ANK3: variants seen among roughly 807,000 people sequenced by gnomAD.
The protein encoded by ANK3 is ankyrin 3.
In ANK3, 57 loss-of-function variants were observed where a neutral mutation model predicts 370.9. The observed-to-expected ratio is 0.15, with a 90% confidence interval of 0.12 to 0.19. ANK3 has a LOEUF of 0.19. Ranked by LOEUF, ANK3 falls within the 10% of genes least tolerant of loss-of-function variation. The pLI is 1.00. For missense variants in ANK3, 4,439 were observed against 5,302.1 expected, an observed-to-expected ratio of 0.84 and a Z score of 5.06; for synonymous variants, 1,929 against 1,946.3, an observed-to-expected ratio of 0.99 and a Z score of 0.23.
chr10:60,123,081 G>A (rs73261140), intron 25 of ANK3, among the ~76,000 whole-genome samples: 6,187 of 152,142 alleles, frequency 0.041, 394 homozygotes, highest in African/African-American at 0.14. Context: ...TGACAGATGA[G>A]GAAAATGAGG....
Position 60,689,754 on chromosome 10 carries a change from C to CAA in ANK3, c.57+43507_57+43508dup, listed in dbSNP as rs10676088. Among the ~76,000 whole-genome samples the CAA allele has an allele frequency of 4.5e-3, 492 of 108,248 alleles. 4 individuals are homozygous for CAA. The highest frequency in any genetic ancestry group is 0.015 in the Middle Eastern group (3 of 200). The allele number at this position is 108,248 out of a possible 152,430, so 71.0% of individuals were successfully genotyped here. A position where few individuals can be genotyped will look rare whatever the true frequency, so the allele number is the denominator to read the frequency against. On this transcript the variant is annotated intron_variant, in intron 1 of 43. Coordinates refer to the ANK3 transcript ENST00000373827. ...TGGGTGATGGAGCAAGACTTCATCT[C>CAA]AAAAAAAAAAAAAAAGAATGAACTA...
chr10:60,409,699 T>G (rs952313868), intron 2 of ANK3, among the ~76,000 whole-genome samples: 2 of 152,118 alleles, frequency 1.3e-5, no homozygotes, highest in Non-Finnish European at 1.5e-5. Context: ...ACCTCATCCA[T>G]GCCCGCAGCT....
intron 43 of ANK3, among the ~76,000 whole-genome samples, chr10:60,030,343 T>C (rs1055399882): frequency 2.0e-5 from 3 of 151,944 alleles, no homozygotes; most frequent in East Asian, 1.9e-4. Context: ...GGGGTTTCAC[T>C]ATGTTAGTCA....
At chr10:60,717,281 T>G (rs912203516) in intron 1 of ANK3, among the ~76,000 whole-genome samples, 11 of 146,744 alleles carry the variant, frequency 7.5e-5, no homozygotes, top group African/African-American at 2.0e-4. Context: ...AAAGGGTGCA[T>G]AAAACTGTCA....
intron 2 of ANK3, among the ~76,000 whole-genome samples, chr10:60,468,996 T>TAC (rs1277030601): frequency 1.9e-3 from 18 of 9,676 alleles, no homozygotes; most frequent in African/African-American, 7.6e-3. Flanking sequence ...ACTTTTAGTG[T>TAC]GTATATATAT....
At chr10:60,336,575 C>A (rs1321275551) in intron 1 of ANK3, among the ~76,000 whole-genome samples, 1 of 130,070 alleles carries the variant, frequency 7.7e-6, no homozygotes, top group East Asian at 3.3e-4. Context: ...ATCTATCTAT[C>A]TATCTATCTA....
At chr10:60,333,779 C>T (rs2052068816) in intron 1 of ANK3, among the ~76,000 whole-genome samples, 1 of 152,146 alleles carries the variant, frequency 6.6e-6, no homozygotes, top group Non-Finnish European at 1.5e-5. Flanking sequence ...TAAAAGTGTT[C>T]CTATTTCTCC....
chr10:60,071,287 G>T lies in ANK3; in HGVS notation c.9594C>A (p.Ser3198Arg). 1 of 1,614,112 alleles carries T rather than the reference G, an allele frequency of 6.2e-7. No individual in the cohort carries two copies. Among genetic ancestry groups the T allele is most frequent in the Non-Finnish European group, 8.5e-7 (1 of 1,180,012 alleles). Residue 3198 changes from serine (S) to arginine (R), a missense_variant, in exon 37 of 44, where the codon AGC becomes AGA. Ser to Arg is a moderately radical substitution (Grantham distance 110). Coordinates refer to ENST00000280772, the MANE Select transcript of ANK3 (RefSeq NM_020987.5). Reference sequence around the variant, plus strand: ...ACTCCTCAGAAACCTCGGGAATTGGGCTGGGTTTGCCTGGTATATAAGCTA... The same window carrying T: ...ACTCCTCAGAAACCTCGGGAATTGGTCTGGGTTTGCCTGGTATATAAGCTA... ...SLIAYIPGKPSPIPEVSEESE... is the reference protein window; with the variant it reads ...SLIAYIPGKPRPIPEVSEESE...
At chr10:60,353,801 A>C (rs552392493) in intron 1 of ANK3, among the ~76,000 whole-genome samples, 1 of 152,272 alleles carries the variant, frequency 6.6e-6, no homozygotes, top group Non-Finnish European at 1.5e-5. Context: ...TCAGAAACCT[A>C]CTGTTTCACC....
chr10:60,153,351 T>A (rs543505735), intron 23 of ANK3, among the ~76,000 whole-genome samples: 1 of 152,100 alleles, frequency 6.6e-6, no homozygotes, highest in South Asian at 2.1e-4. Context: ...ATGTGAGAGA[T>A]GTGGTGGCCT....
At chr10:60,193,770 G>T (rs955239789) in intron 16 of ANK3, among the ~76,000 whole-genome samples, 4 of 152,104 alleles carry the variant, frequency 2.6e-5, no homozygotes, top group African/African-American at 9.7e-5. Flanking sequence ...GGAAAAAATA[G>T]TTCACTTACT....
chr10:60,591,502 G>C (rs2077913961), intron 2 of ANK3, among the ~76,000 whole-genome samples: 1 of 151,810 alleles, frequency 6.6e-6, no homozygotes, highest in African/African-American at 2.4e-5. Context: ...AACCACTATG[G>C]AGAACAGTTT....
intron 2 of ANK3, among the ~76,000 whole-genome samples, chr10:60,565,649 A>G (rs2077442530): frequency 6.6e-6 from 1 of 152,192 alleles, no homozygotes; most frequent in Admixed American, 6.5e-5. Flanking sequence ...GCTTAGATTC[A>G]TAAGCTTACA....
At chr10:60,494,616 C>G (rs905963586) in intron 2 of ANK3, among the ~76,000 whole-genome samples, 2 of 152,082 alleles carry the variant, frequency 1.3e-5, no homozygotes, top group African/African-American at 4.8e-5. Context: ...CTGGTTCCAA[C>G]AAGGTAAGGT....
At chr10:60,051,591 C>A (rs1353558512) in intron 42 of ANK3, 1 of 914,972 alleles carries the variant, frequency 1.1e-6, no homozygotes. Flanking sequence ...TATAATTTTA[C>A]CATCACACTT....
intron 8 of ANK3, among the ~76,000 whole-genome samples, chr10:60,230,257 TACTC>T (rs1294635848): frequency 6.6e-6 from 1 of 152,104 alleles, no homozygotes; most frequent in Non-Finnish European, 1.5e-5. Flanking sequence ...ATGTACCAAA[TACTC>T]ACGCTAGCTT....
At chr10:60,626,124 C>G (rs1439683886) in intron 1 of ANK3, among the ~76,000 whole-genome samples, 1 of 152,106 alleles carries the variant, frequency 6.6e-6, no homozygotes, top group Non-Finnish European at 1.5e-5. Context: ...AGGCATAGAA[C>G]AAAACAGGGC....
chr10:60,503,087 T>A (rs2075846834), intron 2 of ANK3, among the ~76,000 whole-genome samples: 1 of 152,160 alleles, frequency 6.6e-6, no homozygotes, highest in Admixed American at 6.5e-5. Flanking sequence ...TATACTCTCA[T>A]ACATAAACAA....
chr10:60,727,988 CTG>C (rs138976054), intron 1 of ANK3, among the ~76,000 whole-genome samples: 4,554 of 152,222 alleles, frequency 0.03, 116 homozygotes, highest in South Asian at 0.048. Context: ...GTGCATCTCA[CTG>C]TACGTAAGTG....
Sources: allele counts gnomAD v4.1 joint callset (sites outside exome capture counted in the v4.1 genomes callset), GRCh38; gene constraint gnomAD v4.1.1; transcripts MANE v1.5; gene names NCBI Gene and HGNC (gene_info 2026-07-23, HGNC 2026-07-21).